The following SLTM variants were observed in gnomAD, a reference collection of about 807,000 sequenced individuals.
SLTM encodes SAFB like transcription modulator.
SLTM carries 43 observed loss-of-function variants against 134.6 expected under a neutral mutation model. That is an observed-to-expected ratio of 0.32 (90% CI 0.25 to 0.41). The LOEUF is 0.41. Among genes scored for constraint, SLTM ranks in the 10% least tolerant of loss-of-function variants. The probability of loss-of-function intolerance (pLI) is 1.00; values close to 1 mark genes in which losing one functional copy is unlikely to be tolerated. For missense variants in SLTM, 1,055 were observed against 1,288.8 expected (o/e 0.82, Z 2.78); for synonymous variants, 424 against 432.3 (o/e 0.98, Z 0.24).
chr15:58,900,071 A>AC, intron 6 of SLTM, 134 bp from the exon 7 acceptor site: 2 of 676,158 alleles, frequency 3.0e-6, no homozygotes, highest in Non-Finnish European at 2.4e-6. Flanking sequence ...AAAAAAAAAA[A>AC]ACACAAGGGT....
intron 20 of SLTM, chr15:58,883,378 T>TA: frequency 2.1e-6 from 1 of 482,280 alleles, no homozygotes; most frequent in Non-Finnish European, 3.8e-6. Context: ...CATACGTACA[T>TA]ACCCATATCT....
At chr15:58,907,906 A>G (rs1297858479) in intron 5 of SLTM, among the ~76,000 whole-genome samples, 1 of 152,110 alleles carries the variant, frequency 6.6e-6, no homozygotes, top group East Asian at 1.9e-4. Context: ...TCTACCTAGT[A>G]TAACTTCCTA....
chr15:58,923,152 G>A (rs1263530300), intron 2 of SLTM, among the ~76,000 whole-genome samples: 1 of 152,138 alleles, frequency 6.6e-6, no homozygotes, highest in Non-Finnish European at 1.5e-5. Flanking sequence ...GAGGTCAGAA[G>A]TTCAAGACTA....
Position 58,887,309 on chromosome 15 carries a change from A to G in SLTM, c.2607T>C (p.His869=). Residue 869 remains histidine (H), a synonymous_variant, in exon 18 of 21, where the codon CAT becomes CAC. Transcript: ENST00000380516. ...HDRPDITHPR[H]PREAGPNPSR... is the part of the protein sequence containing the mutation. ...AAGGATTGGGCCCTGCCTCTCGAGG[A>G]TGTCTAGGATGAGTGATATCAGGCC... 1 of 1,613,860 alleles carries G rather than the reference A, an allele frequency of 6.2e-7. No homozygotes were observed. The highest frequency in any genetic ancestry group is 8.5e-7 in the Non-Finnish European group (1 of 1,180,020).
chr15:58,891,417 T>G (rs528352281), intron 14 of SLTM, among the ~76,000 whole-genome samples: 126 of 152,328 alleles, frequency 8.3e-4, no homozygotes, highest in Non-Finnish European at 1.5e-3. Flanking sequence ...TCAACCCCAT[T>G]TTTAATAAAT....
At chr15:58,893,621 G>A (rs2034838250) in intron 12 of SLTM, among the ~76,000 whole-genome samples, 200 bp downstream of exon 12, 1 of 152,072 alleles carries the variant, frequency 6.6e-6, no homozygotes, top group South Asian at 2.1e-4. Context: ...AATAGCAAAG[G>A]AGCTTAGCTG....
rs1321666488 is a variant in SLTM, at chr15:58,933,533, C to T, written c.33G>A (p.Ser11=). The T allele has an allele frequency of 6.3e-7, 1 of 1,596,008 alleles. No individual in the cohort carries two copies. Among genetic ancestry groups the T allele is most frequent in the East Asian group, 2.3e-5 (1 of 42,750 alleles). The part of the protein sequence containing the change: MAAATGAVAA[S]AASGQAEGKK... ...TACCTTCCGCCTGACCCGAGGCGGC[C>T]GAGGCTGCCACCGCACCGGTAGCGG... Residue 11 remains serine, a synonymous_variant, in exon 1 of 21, where the codon TCG becomes TCA. Coordinates refer to ENST00000380516, the MANE Select transcript of SLTM (RefSeq NM_024755.4).
intron 20 of SLTM, chr15:58,883,382 C>T (rs1307601780): frequency 1.8e-5 from 9 of 504,078 alleles, no homozygotes; most frequent in Non-Finnish European, 3.2e-5. Flanking sequence ...CGTACATACC[C>T]ATATCTATAT....
chr15:58,933,425 C>A lies in SLTM; in HGVS notation c.141G>T (p.Val47=), dbSNP rs765220476. Residue 47 remains valine, a synonymous_variant, in exon 1 of 21, where the codon GTG becomes GTT. Coordinates refer to ENST00000380516, the MANE Select transcript of SLTM (RefSeq NM_024755.4). ...RNLDITGVKT[V]LISRLKQAIE... is the part of the protein sequence containing the mutation. ...TCACCTGCTTGAGTCGGGAGATGAG[C>A]ACGGTCTTGACTCCGGTGATGTCTA... The A allele has an allele frequency of 1.9e-6, 3 of 1,584,866 alleles. No homozygotes were observed. The highest frequency in any genetic ancestry group is 3.5e-5 in the Admixed American group (2 of 56,794).
chr15:58,903,420 C>T (rs867384289), intron 5 of SLTM, among the ~76,000 whole-genome samples: 1 of 152,014 alleles, frequency 6.6e-6, no homozygotes, highest in African/African-American at 2.4e-5. Context: ...TTACCACATA[C>T]AAAGCCTTAG....
chr15:58,921,502 T>C, intron 2 of SLTM: 2 of 349,822 alleles, frequency 5.7e-6, no homozygotes, highest in Admixed American at 6.1e-5. Flanking sequence ...TATGTAAAAA[T>C]GGTCTAACTT....
At chr15:58,923,719 G>C (rs1388471718) in intron 2 of SLTM, among the ~76,000 whole-genome samples, 1 of 149,950 alleles carries the variant, frequency 6.7e-6, no homozygotes, top group African/African-American at 2.4e-5. Flanking sequence ...AGGGAATCTA[G>C]CAACTGCCGC....
intron 2 of SLTM, among the ~76,000 whole-genome samples, chr15:58,923,507 C>A (rs2141207633): frequency 6.6e-6 from 1 of 152,218 alleles, no homozygotes; most frequent in South Asian, 2.1e-4. Flanking sequence ...CCTGTCACTA[C>A]CTCTGCAGGT....
chr15:58,902,196 AAAGT>A (rs1204077527), intron 5 of SLTM, among the ~76,000 whole-genome samples: 60 of 152,318 alleles, frequency 3.9e-4, no homozygotes, highest in African/African-American at 1.2e-3. Flanking sequence ...TATAAAGAAT[AAAGT>A]AATATGCATT....
In SLTM at chr15:58,892,910, T is replaced by C. The variant is rs535464626; in HGVS notation, c.1885A>G (p.Met629Val). 4.3e-6 allele frequency: 7 copies of C among 1,613,104 alleles called. No individual in the cohort carries two copies. Among genetic ancestry groups the C allele is most frequent in the South Asian group, 2.2e-5 (2 of 90,908 alleles). The change falls in exon 14 of 21, where the codon ATG becomes GTG. Residue 629 changes from methionine (M) to valine (V), a missense_variant. Met to Val is a conservative substitution (Grantham distance 21). Coordinates refer to ENST00000380516, the MANE Select transcript of SLTM (RefSeq NM_024755.4). ...LVRFERLRRA[M>V]ELRRRREIAE... ...CTCTCTTCCTACCTTCGAAGTTCCA[T>C]TGCTCGTCGCAGCCTTTCAAAACGA...
Position 58,899,516 on chromosome 15 carries a change from A to C in SLTM, c.1011T>G (p.Thr337=). 3 of 1,614,128 alleles carry C rather than the reference A, an allele frequency of 1.9e-6. No homozygotes were observed. The highest frequency in any genetic ancestry group is 2.5e-6 in the Non-Finnish European group (3 of 1,179,984). ...KAESGDKEKD[T]LKKGPSSTGA... ...CAGTAGACGAGGGCCCTTTCTTCAA[A>C]GTATCCTTTTCTTTGTCTCCAGATT... The change falls in exon 7 of 21, where the codon ACT becomes ACG. Residue 337 remains threonine, a synonymous_variant. Transcript: ENST00000380516. The surrounding 1 kb of genome is among the most constrained non-coding windows in gnomAD (Gnocchi z 5.0).
chr15:58,893,423 T>A, intron 12 of SLTM, 59 bp from the exon 13 acceptor site: 1 of 1,223,454 alleles, frequency 8.2e-7, no homozygotes, highest in South Asian at 1.4e-5. Flanking sequence ...AAAGAAAATA[T>A]GTATGTAAAA....
In SLTM at chr15:58,879,244, A is replaced by T. The variant is rs555621713; in HGVS notation, c.*755T>A. 6.6e-6 allele frequency: 1 copy of T among 152,206 alleles called. No homozygotes were observed. Among genetic ancestry groups the T allele is most frequent in the African/African-American group, 2.4e-5 (1 of 41,434 alleles). 9.4% of individuals were successfully genotyped at this position (152,206 alleles called of 1,614,324 possible). ...TTTATCCATCAAACAAACAGTGCAG[A>T]TTACCTAAAAGTGCACTTACCTGCA... On this transcript the variant is annotated 3_prime_UTR_variant, in exon 21 of 21. Transcript: ENST00000380516.
Position 58,913,510 on chromosome 15 carries a change from T to C in SLTM, c.502A>G (p.Ile168Val), listed in dbSNP as rs1380649887. 1 of 1,606,776 alleles carries C rather than the reference T, an allele frequency of 6.2e-7. No individual in the cohort carries two copies. Among genetic ancestry groups the C allele is most frequent in the African/African-American group, 1.3e-5 (1 of 74,846 alleles). ...AACTGGCTAAAGACCTGACTTTCGA[T>C]GTCCTCTTTTTCTATATCTTCTATT... is the stretch of plus-strand genomic sequence containing the variant. ...EGIEDIEKED[I>V]ESQEIEAQEG... The change falls in exon 4 of 21, where the codon ATC becomes GTC. Residue 168 changes from isoleucine to valine, a missense_variant. By Grantham distance (29) the Ile-to-Val change is conservative (BLOSUM62 3). Transcript: ENST00000380516.
Sources: allele counts gnomAD v4.1 joint callset (sites outside exome capture counted in the v4.1 genomes callset), GRCh38; gene constraint gnomAD v4.1.1; non-coding constraint Gnocchi (gnomAD v3.1); transcripts MANE v1.5; gene names NCBI Gene and HGNC (gene_info 2026-07-23, HGNC 2026-07-21).